PCSK6: variants seen among roughly 807,000 people sequenced by gnomAD.
PCSK6 encodes the protein paired basic amino acid cleaving enzyme 4.
In PCSK6, 85 loss-of-function variants were observed where a neutral mutation model predicts 123.3. The ratio of observed to expected loss-of-function variants is 0.69; its 90% CI spans 0.58 to 0.83. PCSK6 has a LOEUF of 0.83. Ranked by LOEUF, PCSK6 falls within the 40% of genes least tolerant of loss-of-function variation. The probability of loss-of-function intolerance (pLI) is 0.00; values close to 1 mark genes in which losing one functional copy is unlikely to be tolerated. For synonymous variants in PCSK6, 508 were observed against 516.0 expected (o/e 0.98, Z 0.21); for missense variants, 1,191 against 1,282.3 (o/e 0.93, Z 1.09).
intron 6 of PCSK6, among the ~76,000 whole-genome samples, chr15:101,411,525 A>C (rs1050571916): frequency 6.6e-5 from 10 of 152,194 alleles, no homozygotes; most frequent in Non-Finnish European, 1.3e-4. Context: ...CTGTGAGCAC[A>C]TGCAGGGGTG....
chr15:101,332,905 A>G (rs1596193455), intron 13 of PCSK6, among the ~76,000 whole-genome samples: 1 of 152,224 alleles, frequency 6.6e-6, no homozygotes, highest in African/African-American at 2.4e-5. Context: ...ACACATTATA[A>G]ACAGTCCCCA....
At chr15:101,408,387 G>A (rs4965848) in intron 6 of PCSK6, among the ~76,000 whole-genome samples, 59,216 of 152,086 alleles carry the variant, frequency 0.39, 11,687 homozygotes, top group South Asian at 0.48. Flanking sequence ...AGGAACCCAG[G>A]GCTATGCAGC....
At position 101,373,996 on chromosome 15, in the gene PCSK6, G is replaced by A. The variant is rs540166475; in HGVS notation, c.1533-3473C>T. Among the ~76,000 whole-genome samples the A allele has an allele frequency of 6.6e-4, 100 of 152,312 alleles. 2 individuals carry two copies. In the South Asian group the frequency reaches 0.019, roughly 29 times the overall value. On this transcript the variant is annotated intron_variant, in intron 11 of 21. Coordinates refer to ENST00000611716, the MANE Select transcript of PCSK6 (RefSeq NM_002570.5). Reference sequence around the variant, plus strand: ...TATGTACATAAAGCCATCTTCCGAGGACGCTAAGGGAGTCCACGGAGTTAA... The same window carrying A: ...TATGTACATAAAGCCATCTTCCGAGAACGCTAAGGGAGTCCACGGAGTTAA...
chr15:101,326,154 G>A (rs1299961845), intron 16 of PCSK6, among the ~76,000 whole-genome samples: 2 of 152,252 alleles, frequency 1.3e-5, no homozygotes, highest in African/African-American at 2.4e-5. Flanking sequence ...GGACGCCAAC[G>A]TGCAACAGCT....
chr15:101,469,101 C>T (rs28680939), intron 1 of PCSK6, among the ~76,000 whole-genome samples: 29,595 of 151,970 alleles, frequency 0.19, 3,052 homozygotes, highest in East Asian at 0.25. Context: ...ATGAGAAACA[C>T]GTGTTTTTTT....
In PCSK6 at chr15:101,346,961, G is replaced by A. The variant is rs1278104539; in HGVS notation, c.1859-14930C>T. The A allele has an allele frequency of 2.8e-5, 35 of 1,231,444 alleles. No individual in the cohort carries two copies. In the Admixed American group the frequency reaches 3.0e-4, roughly 10 times the overall value. 76.3% of individuals were successfully genotyped at this position (1,231,444 alleles called of 1,614,324 possible). On this transcript the variant is annotated intron_variant, in intron 13 of 21. Transcript: ENST00000611716. ...TTTTGGGGAAAGGCGTCACTGTCAC[G>A]GCCCCGTGAAAGAGAAAAGGAGGTA...
chr15:101,417,277 A>G (rs2055921317), intron 6 of PCSK6, among the ~76,000 whole-genome samples: 1 of 152,218 alleles, frequency 6.6e-6, no homozygotes, highest in South Asian at 2.1e-4. Context: ...CTATAAGTTC[A>G]ATTAAATTTC....
intron 1 of PCSK6, among the ~76,000 whole-genome samples, chr15:101,446,357 C>T (rs1295060492): frequency 6.6e-6 from 1 of 152,254 alleles, no homozygotes; most frequent in African/African-American, 2.4e-5. Flanking sequence ...ACTAATCTTC[C>T]GTTATCTGCA....
chr15:101,397,865 C>T (rs1161524894), intron 7 of PCSK6, among the ~76,000 whole-genome samples: 1 of 152,258 alleles, frequency 6.6e-6, no homozygotes, highest in African/African-American at 2.4e-5. Context: ...GCATCTTTGC[C>T]CTGCTTAGCC....
intron 1 of PCSK6, among the ~76,000 whole-genome samples, chr15:101,471,959 T>A (rs2057615454): frequency 6.6e-6 from 1 of 152,062 alleles, no homozygotes; most frequent in Admixed American, 6.5e-5. Context: ...AATAAAAGAG[T>A]GCTCACTGAA....
chr15:101,403,237 C>G (rs1026718182), intron 6 of PCSK6, among the ~76,000 whole-genome samples: 2 of 124,314 alleles, frequency 1.6e-5, no homozygotes, highest in South Asian at 2.5e-4. Flanking sequence ...CACATGGACA[C>G]AGGAAGGGGA....
chr15:101,360,412 A>T (rs1028412906), intron 13 of PCSK6, among the ~76,000 whole-genome samples: 119 of 152,152 alleles, frequency 7.8e-4, no homozygotes, highest in African/African-American at 2.8e-3. Flanking sequence ...GTCCTGTCCT[A>T]TTCTGCTCCT....
chr15:101,407,980 T>TTTGACATCGAGGC (rs1220955679), intron 6 of PCSK6, among the ~76,000 whole-genome samples: 39 of 152,258 alleles, frequency 2.6e-4, no homozygotes, highest in Middle Eastern at 3.4e-3. Flanking sequence ...GGTCTAGAGG[T>TTTGACATCGAGGC]TTGACATCGA....
At chr15:101,348,424 A>G (rs1212847169) in intron 13 of PCSK6, among the ~76,000 whole-genome samples, 2 of 152,234 alleles carry the variant, frequency 1.3e-5, no homozygotes, top group Non-Finnish European at 2.9e-5. Context: ...AGTGTGAACT[A>G]TCATGTTTGA....
At chr15:101,411,717 G>A (rs1269653810) in intron 6 of PCSK6, among the ~76,000 whole-genome samples, 4 of 149,466 alleles carry the variant, frequency 2.7e-5, no homozygotes, top group South Asian at 4.4e-4. Flanking sequence ...GTACCACCCC[G>A]ACCTATGGCA....
At position 101,331,928 on chromosome 15, in the gene PCSK6, G is replaced by A. The variant is rs1022209710; in HGVS notation, c.1962C>T (p.Ala654=). 1 of 1,613,908 alleles carries A rather than the reference G, an allele frequency of 6.2e-7. No individual in the cohort carries two copies. The highest frequency in any genetic ancestry group is 8.5e-7 in the Non-Finnish European group (1 of 1,179,858). The change falls in exon 14 of 22, where the codon GCC becomes GCT. Residue 654 remains alanine, a synonymous_variant. Coordinates refer to ENST00000611716, the MANE Select transcript of PCSK6 (RefSeq NM_002570.5). ...QSRSRMLELS[A]PELEPPKAAL... Reference sequence around the variant, plus strand: ...CAGCCTTGGGTGGCTCCAGCTCTGGGGCTGAGAGCTCCAGCATCCGCGAGC... The same window carrying A: ...CAGCCTTGGGTGGCTCCAGCTCTGGAGCTGAGAGCTCCAGCATCCGCGAGC...
At chr15:101,459,488 A>ATCACCTGCTGCCACCATTCCCGTCCCC (rs1472710223) in intron 1 of PCSK6, among the ~76,000 whole-genome samples, 1 of 99,456 alleles carries the variant, frequency 1.0e-5, no homozygotes, top group African/African-American at 4.9e-5. Flanking sequence ...CTAAGTCCAC[A>ATCACCTGCTGCCACCATTCCCGTCCCC]CCACCCGCTG....
chr15:101,337,245 C>T (rs955505274), intron 13 of PCSK6: 4 of 152,136 alleles, frequency 2.6e-5, no homozygotes, highest in Admixed American at 6.6e-5. Flanking sequence ...CCTTGTGATC[C>T]GCGTGCCTCC....
intron 13 of PCSK6, among the ~76,000 whole-genome samples, chr15:101,356,009 A>C (rs564394180): frequency 6.6e-6 from 1 of 152,374 alleles, no homozygotes; most frequent in South Asian, 2.1e-4. Context: ...AAGCGGAGGC[A>C]GGAGGATCCA....
Sources: gnomAD v4.1 joint callset for allele counts (sites outside exome capture counted in the v4.1 genomes callset) on GRCh38, gnomAD v4.1.1 for gene constraint, MANE v1.5 for transcripts, NCBI Gene and HGNC (gene_info 2026-07-23, HGNC 2026-07-21) for gene names.